IQGAP2: variants seen among roughly 807,000 people sequenced by gnomAD.
The protein encoded by IQGAP2 is IQ motif containing GTPase activating protein 2, also known as ras GTPase-activating-like protein IQGAP2.
IQGAP2 carries 173 observed loss-of-function variants against 201.3 expected under a neutral mutation model. The ratio of observed to expected loss-of-function variants is 0.86; its 90% CI spans 0.76 to 0.98. The LOEUF is 0.98. Ranked by LOEUF, IQGAP2 falls within the 50% of genes least tolerant of loss-of-function variation. The pLI, the probability that IQGAP2 is intolerant of heterozygous loss-of-function variation, is 0.00. For synonymous variants in IQGAP2, 675 were observed against 673.9 expected (o/e 1.00, Z -0.03); for missense variants, 1,687 against 1,864.8 (o/e 0.90, Z 1.76).
At chr5:76,662,748 C>T (rs570900903) in intron 21 of IQGAP2, among the ~76,000 whole-genome samples, 2 of 152,214 alleles carry the variant, frequency 1.3e-5, no homozygotes, top group African/African-American at 4.8e-5. Context: ...CCCCCTTGAC[C>T]TCTATCTGGT....
chr5:76,420,126 A>T (rs1219347647), intron 1 of IQGAP2, among the ~76,000 whole-genome samples: 1 of 152,144 alleles, frequency 6.6e-6, no homozygotes, highest in Non-Finnish European at 1.5e-5. Context: ...ATCAGGGGCT[A>T]CAGTGTCCAC....
intron 11 of IQGAP2, among the ~76,000 whole-genome samples, chr5:76,601,604 G>T (rs1390669938): frequency 6.6e-6 from 1 of 152,200 alleles, no homozygotes; most frequent in Non-Finnish European, 1.5e-5. Flanking sequence ...TGAGAGAGTC[G>T]CTGAGATAAA....
At chr5:76,405,983 C>T (rs1016030853) in intron 1 of IQGAP2, among the ~76,000 whole-genome samples, 2 of 152,214 alleles carry the variant, frequency 1.3e-5, no homozygotes, top group Non-Finnish European at 2.9e-5. Flanking sequence ...ATGTTTGAGA[C>T]TGGGCTTTAA....
chr5:76,514,122 C>T (rs867539249), intron 2 of IQGAP2, among the ~76,000 whole-genome samples: 26 of 137,904 alleles, frequency 1.9e-4, no homozygotes, highest in African/African-American at 7.1e-4. Flanking sequence ...TTCCTGGGTT[C>T]AAGTGATTCT....
chr5:76,597,703 T>A, intron 10 of IQGAP2, 101 bp downstream of exon 10: 1 of 1,246,534 alleles, frequency 8.0e-7, no homozygotes, highest in Non-Finnish European at 1.1e-6. Flanking sequence ...CGGGGATCTC[T>A]AATTTGTACC....
chr5:76,409,047 C>T (rs1440732658), intron 1 of IQGAP2, among the ~76,000 whole-genome samples: 6 of 151,994 alleles, frequency 3.9e-5, no homozygotes, highest in Non-Finnish European at 7.4e-5. Context: ...CCCGGCTCAG[C>T]CTCCCAAAGT....
At chr5:76,667,167 G>GA (rs554770676) in intron 22 of IQGAP2, among the ~76,000 whole-genome samples, 1 of 151,970 alleles carries the variant, frequency 6.6e-6, no homozygotes, top group South Asian at 2.1e-4. Flanking sequence ...TGGTGAGTAG[G>GA]CATCTTTCTT....
intron 1 of IQGAP2, chr5:76,404,389 A>G: frequency 4.7e-6 from 4 of 855,800 alleles, no homozygotes; most frequent in Non-Finnish European, 5.6e-6. Context: ...TGCAGAGTTC[A>G]GAGTCCTAAA....
At chr5:76,533,845 T>C (rs1169626630) in intron 2 of IQGAP2, among the ~76,000 whole-genome samples, 3 of 152,204 alleles carry the variant, frequency 2.0e-5, no homozygotes, top group Non-Finnish European at 4.4e-5. Context: ...GCTTGCCCTA[T>C]TATTTTAAAA....
At chr5:76,621,328 A>T (rs1284049666) in intron 13 of IQGAP2, among the ~76,000 whole-genome samples, 1 of 152,228 alleles carries the variant, frequency 6.6e-6, no homozygotes, top group African/African-American at 2.4e-5. Flanking sequence ...GTATCATTTA[A>T]GAAAAGGTAG....
chr5:76,637,924 TC>T (rs1468024455), intron 16 of IQGAP2, among the ~76,000 whole-genome samples: 1 of 152,186 alleles, frequency 6.6e-6, no homozygotes, highest in Non-Finnish European at 1.5e-5. Flanking sequence ...CTACTAAAGG[TC>T]CCTTTTAACT....
chr5:76,466,372 A>G (rs1049845329), intron 2 of IQGAP2, among the ~76,000 whole-genome samples: 1 of 152,184 alleles, frequency 6.6e-6, no homozygotes, highest in Non-Finnish European at 1.5e-5. Flanking sequence ...ATGGAGATGC[A>G]AGGAATGCAG....
Position 76,683,219 on chromosome 5 carries a change from T to C in IQGAP2, c.3763+2T>C. ...TGCCAACCGTGGAATCTTTTCTTGGTAAGAGCTTGTTCCTTCTACTTATCC... is the reference window on the plus strand; with the variant it reads ...TGCCAACCGTGGAATCTTTTCTTGGCAAGAGCTTGTTCCTTCTACTTATCC... On this transcript the variant is annotated splice_donor_variant, in intron 29 of 35. Transcript: ENST00000274364. LOFTEE classifies it high-confidence loss of function. The C allele has an allele frequency of 6.2e-7, 1 of 1,605,316 alleles. No homozygotes were observed. Among genetic ancestry groups the C allele is most frequent in the Non-Finnish European group, 8.5e-7 (1 of 1,173,846 alleles).
intron 5 of IQGAP2, among the ~76,000 whole-genome samples, chr5:76,577,793 A>C (rs1259755391): frequency 6.6e-6 from 1 of 152,234 alleles, no homozygotes; most frequent in Non-Finnish European, 1.5e-5. Flanking sequence ...GTTAGAAATG[A>C]TGATGGAAAT....
chr5:76,559,468 C>G (rs1246973599), intron 2 of IQGAP2, among the ~76,000 whole-genome samples: 5 of 152,180 alleles, frequency 3.3e-5, no homozygotes, highest in African/African-American at 9.7e-5. Flanking sequence ...ATGTCAACAC[C>G]GTCCTCACAT....
At chr5:76,546,919 T>A (rs1399806179) in intron 2 of IQGAP2, among the ~76,000 whole-genome samples, 1 of 152,104 alleles carries the variant, frequency 6.6e-6, no homozygotes, top group African/African-American at 2.4e-5. Context: ...CAAGAACATA[T>A]GTTGGATTCT....
At chr5:76,601,356 A>G (rs539257133) in intron 11 of IQGAP2, among the ~76,000 whole-genome samples, 14 of 152,332 alleles carry the variant, frequency 9.2e-5, no homozygotes, top group African/African-American at 2.9e-4. Context: ...TGATGCAGAA[A>G]CAGAATCCGG....
At chr5:76,649,281 A>G (rs1460097910) in intron 17 of IQGAP2, among the ~76,000 whole-genome samples, 2 of 152,208 alleles carry the variant, frequency 1.3e-5, no homozygotes, top group African/African-American at 4.8e-5. Context: ...ACCCTCCTGT[A>G]ACAAGGCACC....
intron 2 of IQGAP2, among the ~76,000 whole-genome samples, chr5:76,471,790 C>A (rs1241366018): frequency 1.3e-5 from 2 of 152,158 alleles, no homozygotes; most frequent in African/African-American, 2.4e-5. Flanking sequence ...ACCTCACTAT[C>A]CTTATTCCTA....
Sources: gnomAD v4.1 joint callset for allele counts (sites outside exome capture counted in the v4.1 genomes callset) on GRCh38, gnomAD v4.1.1 for gene constraint, MANE v1.5 for transcripts, NCBI Gene and HGNC (gene_info 2026-07-23, HGNC 2026-07-21) for gene names.